ZMIZ1: variants seen among roughly 807,000 people sequenced by gnomAD.
The protein encoded by ZMIZ1 is zinc finger MIZ domain-containing protein 1.
Under a neutral mutation model 113.9 loss-of-function variants are expected in ZMIZ1, and 17 were observed. That is an observed-to-expected ratio of 0.15 (90% CI 0.10 to 0.22). The LOEUF is 0.22. Among genes scored for constraint, ZMIZ1 ranks in the 10% least tolerant of loss-of-function variants. ZMIZ1 has a pLI of 1.00. For missense variants in ZMIZ1, 1,059 were observed against 1,477.8 expected (o/e 0.72, Z 4.65); for synonymous variants, 607 against 603.1 (o/e 1.01, Z -0.09).
At chr10:79,275,003 G>C (rs1197738041) in intron 7 of ZMIZ1, among the ~76,000 whole-genome samples, 1 of 152,370 alleles carries the variant, frequency 6.6e-6, no homozygotes, top group South Asian at 2.1e-4. Flanking sequence ...GCCGTCCTTT[G>C]TGCTGGCAGT....
At chr10:79,246,457 G>A (rs550151768) in intron 7 of ZMIZ1, among the ~76,000 whole-genome samples, 1 of 152,190 alleles carries the variant, frequency 6.6e-6, no homozygotes, top group Non-Finnish European at 1.5e-5. Flanking sequence ...TGAGCGATGC[G>A]GCATGGGTCC....
chr10:79,197,649 C>T (rs1847900194), intron 4 of ZMIZ1, among the ~76,000 whole-genome samples: 1 of 150,880 alleles, frequency 6.6e-6, no homozygotes, highest in African/African-American at 2.5e-5. Flanking sequence ...CACACCTGTA[C>T]CCTGTCCCCT....
intron 5 of ZMIZ1, among the ~76,000 whole-genome samples, chr10:79,202,056 C>CAAAAAAAAAA (rs55985942): frequency 1.4e-5 from 1 of 71,954 alleles, no homozygotes; most frequent in African/African-American, 5.7e-5. Flanking sequence ...CAGTCGTTCT[C>CAAAAAAAAAA]AAAAAAAAAA....
At chr10:79,234,395 T>A (rs4980049) in intron 7 of ZMIZ1, among the ~76,000 whole-genome samples, 38,225 of 152,100 alleles carry the variant, frequency 0.25, 5,158 homozygotes, top group East Asian at 0.53. Flanking sequence ...TGAGGATGGA[T>A]GGTACACAGC....
At position 79,201,593 on chromosome 10, in the gene ZMIZ1, C is replaced by G; in HGVS notation, c.-40C>G. The G allele has an allele frequency of 6.2e-7, 1 of 1,609,892 alleles. No individual in the cohort carries two copies. The highest frequency in any genetic ancestry group is 8.5e-7 in the Non-Finnish European group (1 of 1,177,382). On this transcript the variant is annotated 5_prime_UTR_variant, in exon 5 of 25. Coordinates refer to ENST00000334512, the MANE Select transcript of ZMIZ1 (RefSeq NM_020338.4). ...TCCTTTCTCTTCGCAGGCTGGACAA[C>G]GTTCATGGCTCTCGGGTAGAACCTA... is the stretch of plus-strand genomic sequence containing the variant.
chr10:79,307,727 G>A (rs551875589), intron 23 of ZMIZ1, among the ~76,000 whole-genome samples, 156 bp downstream of exon 23: 48 of 152,196 alleles, frequency 3.2e-4, no homozygotes, highest in African/African-American at 9.6e-4. Context: ...AGGCTACGTC[G>A]TGCCCTGTCA....
intron 1 of ZMIZ1, among the ~76,000 whole-genome samples, chr10:79,117,983 C>A (rs765248010): frequency 1.1e-4 from 17 of 152,224 alleles, no homozygotes; most frequent in Non-Finnish European, 2.4e-4. Flanking sequence ...GTTGACCTGA[C>A]CCTCAACAGT....
chr10:79,308,353 G>A (rs760992169), intron 23 of ZMIZ1, among the ~76,000 whole-genome samples: 1 of 152,252 alleles, frequency 6.6e-6, no homozygotes, highest in African/African-American at 2.4e-5. Flanking sequence ...AACAGTTGGA[G>A]TTTGGAGAAA....
chr10:79,114,671 C>T (rs754859854), intron 1 of ZMIZ1, among the ~76,000 whole-genome samples: 15 of 152,176 alleles, frequency 9.9e-5, no homozygotes, highest in Non-Finnish European at 2.2e-4. Context: ...CCCCCCTCCA[C>T]AAATGCTAAG....
intron 4 of ZMIZ1, among the ~76,000 whole-genome samples, chr10:79,195,067 G>A (rs1029385714): frequency 6.6e-6 from 1 of 152,154 alleles, no homozygotes; most frequent in African/African-American, 2.4e-5. Context: ...CAGCTCCCGG[G>A]GCTGCCGGGC....
chr10:79,234,998 G>A (rs569572129), intron 7 of ZMIZ1, among the ~76,000 whole-genome samples: 9 of 152,344 alleles, frequency 5.9e-5, no homozygotes, highest in African/African-American at 2.2e-4. Flanking sequence ...GTCTCAGTTG[G>A]GGACTTGGCC....
rs545179298 is a variant in ZMIZ1, at chr10:79,306,300, C to T, written c.2624C>T (p.Pro875Leu). 29 of 1,613,310 alleles carry T rather than the reference C, an allele frequency of 1.8e-5. No homozygotes were observed. In the Admixed American group the frequency reaches 2.8e-4, roughly 16 times the overall value. ...LGPGPSPYPL[P>L]PPPGGTNSND... is the part of the protein sequence containing the mutation. ...CCCGGCCCGTCCCCCTATCCCCTCC[C>T]GCCTCCCCCAGGGGGCACCAACTCC... Residue 875 changes from proline (P) to leucine (L), a missense_variant, in exon 22 of 25, where the codon CCG becomes CTG. This residue lies in a region of ZMIZ1 where 225 missense variants were observed against 276.0 expected (regional missense o/e 0.82). Transcript: ENST00000334512.
intron 10 of ZMIZ1, among the ~76,000 whole-genome samples, 161 bp from the exon 11 acceptor site, chr10:79,291,997 C>T (rs556947538): frequency 5.9e-5 from 9 of 152,326 alleles, no homozygotes; most frequent in South Asian, 2.1e-4. Flanking sequence ...GCAGCCTGGT[C>T]GTTGCCAAGT....
At chr10:79,162,757 G>A (rs1222556397) in intron 4 of ZMIZ1, among the ~76,000 whole-genome samples, 1 of 152,180 alleles carries the variant, frequency 6.6e-6, no homozygotes, top group Non-Finnish European at 1.5e-5. Context: ...TTTTCCTCAA[G>A]GGTGCTAGGA....
rs1467013822 is a variant in ZMIZ1, at chr10:79,306,172, C to G, written c.2496C>G (p.His832Gln). The change falls in exon 22 of 25, where the codon CAC becomes CAG. Residue 832 changes from histidine to glutamine, a missense_variant. Physicochemically the swap from His to Gln is conservative, Grantham distance 24. Coordinates refer to ENST00000334512, the MANE Select transcript of ZMIZ1 (RefSeq NM_020338.4). ...CGGTGCCCATCAAGTCGGACTTACA[C>G]ATCAAGGACGACCCTGATGGCATCC... ...WRPVPIKSDL[H>Q]IKDDPDGIPS... The G allele has an allele frequency of 6.2e-7, 1 of 1,614,140 alleles. No homozygotes were observed. Among genetic ancestry groups the G allele is most frequent in the Non-Finnish European group, 8.5e-7 (1 of 1,180,026 alleles).
In ZMIZ1 at chr10:79,069,240, C is replaced by CCAGCGGCGG. The variant is rs1842162169; in HGVS notation, c.-358_-350dup. On this transcript the variant is annotated 5_prime_UTR_variant, in exon 1 of 25. Coordinates refer to ENST00000334512, the MANE Select transcript of ZMIZ1 (RefSeq NM_020338.4). The surrounding 1 kb of genome is among the most constrained non-coding windows in gnomAD (Gnocchi z 4.6). ...CCCGGCGGTGGCGGCGGCGCGTCCT[C>CCAGCGGCGG]CAGCGGCGGCAGCGGCGCTCGCAGC... 1 of 150,488 alleles carries CCAGCGGCGG rather than the reference C, an allele frequency of 6.6e-6. No homozygotes were observed. Among genetic ancestry groups the CCAGCGGCGG allele is most frequent in the Non-Finnish European group, 1.5e-5 (1 of 67,400 alleles). The allele number at this position is 150,488 out of a possible 1,614,324, so 9.3% of individuals were successfully genotyped here. A position where few individuals can be genotyped will look rare whatever the true frequency, so the allele number is the denominator to read the frequency against.
intron 4 of ZMIZ1, among the ~76,000 whole-genome samples, chr10:79,195,623 G>T (rs1399123247): frequency 1.3e-5 from 2 of 152,254 alleles, no homozygotes; most frequent in Non-Finnish European, 2.9e-5. Context: ...GGCGACCTCT[G>T]CTGGCCACCA....
intron 8 of ZMIZ1, among the ~76,000 whole-genome samples, chr10:79,281,736 G>A (rs1852751015): frequency 6.6e-6 from 1 of 152,248 alleles, no homozygotes; most frequent in African/African-American, 2.4e-5. Flanking sequence ...GGAGCACAGG[G>A]AGGTGGAGGG....
At chr10:79,279,790 G>A (rs1430712503) in intron 8 of ZMIZ1, among the ~76,000 whole-genome samples, 7 of 152,096 alleles carry the variant, frequency 4.6e-5, no homozygotes, top group Admixed American at 1.3e-4. Context: ...GCGAAACCCC[G>A]TCTCCACCAA....
Sources: gnomAD v4.1 joint callset for allele counts (sites outside exome capture counted in the v4.1 genomes callset) on GRCh38, gnomAD v4.1.1 for gene constraint, gnomAD v4.1.1 regional missense constraint, Gnocchi (gnomAD v3.1) non-coding constraint, MANE v1.5 for transcripts, NCBI Gene and HGNC (gene_info 2026-07-23, HGNC 2026-07-21) for gene names.